Variants in PHACTR3 observed in about 807,000 individuals in gnomAD.
PHACTR3 encodes protein phosphatase 1, regulatory subunit 123.
Under a neutral mutation model 66.8 loss-of-function variants are expected in PHACTR3, and 16 were observed. The observed-to-expected ratio is 0.24, with a 90% CI of 0.16 to 0.36. PHACTR3 has a LOEUF of 0.36. PHACTR3 is among the 10% of genes least tolerant of loss of function. PHACTR3 has a pLI of 1.00. For synonymous variants in PHACTR3, 323 were observed against 292.1 expected (o/e 1.11, Z -1.08); for missense variants, 647 against 719.9 (o/e 0.90, Z 1.16).
chr20:59,784,285 C>T (rs2040829645), intron 7 of PHACTR3, among the ~76,000 whole-genome samples: 1 of 150,488 alleles, frequency 6.6e-6, no homozygotes, highest in Non-Finnish European at 1.5e-5. Context: ...TTAAAACACA[C>T]ACATATGCAC....
intron 1 of PHACTR3, among the ~76,000 whole-genome samples, chr20:59,636,000 G>A (rs2034889472): frequency 6.6e-6 from 1 of 152,208 alleles, no homozygotes; most frequent in African/African-American, 2.4e-5. Flanking sequence ...ATCAATGTAT[G>A]TTTCTACAGA....
chr20:59,630,375 G>A (rs1208682662), intron 1 of PHACTR3, among the ~76,000 whole-genome samples: 1 of 152,006 alleles, frequency 6.6e-6, no homozygotes, highest in Non-Finnish European at 1.5e-5. Context: ...TAGAGACAGG[G>A]TTTCACCCTG....
chr20:59,845,383 C>T (rs756384027), intron 12 of PHACTR3, 118 bp downstream of exon 12: 1 of 640,482 alleles, frequency 1.6e-6, no homozygotes, highest in Non-Finnish European at 2.8e-6. Context: ...TTCCAGAGAA[C>T]TCTATTGAAC....
At chr20:59,766,012 C>T (rs929887376) in intron 4 of PHACTR3, among the ~76,000 whole-genome samples, 4 of 152,138 alleles carry the variant, frequency 2.6e-5, no homozygotes, top group African/African-American at 9.7e-5. Context: ...GAGTGCTGGT[C>T]CCAGGGAGAC....
chr20:59,708,399 G>T (rs569316008), intron 1 of PHACTR3, among the ~76,000 whole-genome samples: 167 of 152,336 alleles, frequency 1.1e-3, no homozygotes, highest in African/African-American at 3.6e-3. Flanking sequence ...AATCACAGAG[G>T]CAGGAAGGGG....
At chr20:59,681,341 G>A (rs2036640040) in intron 1 of PHACTR3, among the ~76,000 whole-genome samples, 1 of 152,108 alleles carries the variant, frequency 6.6e-6, no homozygotes, top group Non-Finnish European at 1.5e-5. Flanking sequence ...GGAGTCTAGA[G>A]TACATGTGAT....
At chr20:59,652,825 C>T (rs1343165516) in intron 1 of PHACTR3, among the ~76,000 whole-genome samples, 1 of 151,970 alleles carries the variant, frequency 6.6e-6, no homozygotes, top group Non-Finnish European at 1.5e-5. Context: ...ATTAACATCA[C>T]AATCATTGAG....
chr20:59,582,730 AT>A (rs1170053116), intron 1 of PHACTR3, among the ~76,000 whole-genome samples: 3 of 151,952 alleles, frequency 2.0e-5, no homozygotes, highest in African/African-American at 7.3e-5. Context: ...TTGCCTCTTC[AT>A]TTACTTTTTG....
chr20:59,745,380 C>T (rs375269037), intron 2 of PHACTR3, among the ~76,000 whole-genome samples: 53 of 152,310 alleles, frequency 3.5e-4, no homozygotes, highest in African/African-American at 1.2e-3. Context: ...TGGCCTACTC[C>T]AAGCTGTGCC....
intron 1 of PHACTR3, among the ~76,000 whole-genome samples, chr20:59,674,528 CT>C (rs2036331384): frequency 2.3e-4 from 24 of 106,582 alleles, no homozygotes; most frequent in African/African-American, 9.6e-4. Flanking sequence ...GTCCCCGCTT[CT>C]TCTGTCTCCC....
At chr20:59,719,311 C>G (rs1340585451) in intron 1 of PHACTR3, among the ~76,000 whole-genome samples, 1 of 152,096 alleles carries the variant, frequency 6.6e-6, no homozygotes, top group Non-Finnish European at 1.5e-5. Context: ...ATTACAGGCG[C>G]CTGCCACCAC....
chr20:59,810,195 G>A (rs1027396256), intron 8 of PHACTR3, among the ~76,000 whole-genome samples: 2 of 152,248 alleles, frequency 1.3e-5, no homozygotes, highest in African/African-American at 4.8e-5. Context: ...ACCGCCGACT[G>A]TGAAGGTTGA....
chr20:59,625,251 G>C (rs568967929), intron 1 of PHACTR3, among the ~76,000 whole-genome samples: 5 of 152,094 alleles, frequency 3.3e-5, no homozygotes, highest in Non-Finnish European at 1.5e-5. Flanking sequence ...AGAGGCCTCA[G>C]TTGACCCTGA....
intron 1 of PHACTR3, among the ~76,000 whole-genome samples, chr20:59,729,425 G>C (rs954641049): frequency 6.6e-6 from 1 of 152,122 alleles, no homozygotes; most frequent in Non-Finnish European, 1.5e-5. Flanking sequence ...GAGTGAGGGG[G>C]CAGTGGGCAA....
rs73914193 is a variant in PHACTR3, at chr20:59,584,078, C to T, written c.109+6461C>T. ...GTGGGTCAAAGGAAACACAAGTGAG[C>T]GCGTGGGCAAGAAGGTGTCGTACTG... On this transcript the variant is annotated intron_variant, in intron 1 of 12. Coordinates refer to the PHACTR3 transcript ENST00000359926. Among the ~76,000 whole-genome samples, 1,434 of 152,316 alleles carry T rather than the reference C, an allele frequency of 9.4e-3. 14 individuals are homozygous for T. The highest frequency in any genetic ancestry group is 0.032 in the African/African-American group (1,343 of 41,562).
intron 1 of PHACTR3, among the ~76,000 whole-genome samples, chr20:59,727,046 C>T (rs1399389706): frequency 2.0e-5 from 3 of 152,160 alleles, no homozygotes; most frequent in Non-Finnish European, 4.4e-5. Flanking sequence ...ATTCCAGAAC[C>T]TTTCATCACC....
At chr20:59,649,320 C>A (rs1255792536) in intron 1 of PHACTR3, among the ~76,000 whole-genome samples, 1 of 152,136 alleles carries the variant, frequency 6.6e-6, no homozygotes, top group Non-Finnish European at 1.5e-5. Flanking sequence ...TGTGTATTTT[C>A]CTTAAAAAGA....
At chr20:59,836,775 T>C (rs980338543) in intron 9 of PHACTR3, among the ~76,000 whole-genome samples, 3 of 152,196 alleles carry the variant, frequency 2.0e-5, no homozygotes, top group African/African-American at 7.2e-5. Flanking sequence ...CCTTTCCTCT[T>C]AGCATAAAGA....
chr20:59,779,247 G>T (rs1307130639), intron 7 of PHACTR3, among the ~76,000 whole-genome samples: 2 of 152,194 alleles, frequency 1.3e-5, no homozygotes, highest in Admixed American at 6.5e-5. Flanking sequence ...CTTTGCTTTT[G>T]TCACATTCTC....
Sources: allele counts gnomAD v4.1 joint callset (sites outside exome capture counted in the v4.1 genomes callset), GRCh38; gene constraint gnomAD v4.1.1; transcripts MANE v1.5; gene names NCBI Gene and HGNC (gene_info 2026-07-23, HGNC 2026-07-21).